CACNA2D3: variants seen among roughly 807,000 people sequenced by gnomAD.
CACNA2D3 encodes the protein calcium voltage-gated channel auxiliary subunit alpha2delta 3.
Under a neutral mutation model 160.6 loss-of-function variants are expected in CACNA2D3, and 60 were observed. The observed-to-expected ratio is 0.37, with a 90% confidence interval of 0.30 to 0.46. The LOEUF is 0.46. Among genes scored for constraint, CACNA2D3 ranks in the 20% least tolerant of loss-of-function variants. The pLI is 1.00. For synonymous variants in CACNA2D3, 558 were observed against 492.9 expected, an observed-to-expected ratio of 1.13 and a Z score of -1.75; for missense variants, 1,205 against 1,365.0, an observed-to-expected ratio of 0.88 and a Z score of 1.85.
At chr3:54,941,815 G>C (rs1701474242) in intron 27 of CACNA2D3, among the ~76,000 whole-genome samples, 1 of 152,180 alleles carries the variant, frequency 6.6e-6, no homozygotes. Context: ...GGTCTGGGGA[G>C]AGGCTTCAGG....
chr3:54,946,346 G>A (rs1447475672), intron 27 of CACNA2D3, among the ~76,000 whole-genome samples: 1 of 152,138 alleles, frequency 6.6e-6, no homozygotes, highest in Non-Finnish European at 1.5e-5. Flanking sequence ...GTTATTGGTT[G>A]CATAATATCT....
At chr3:54,656,500 C>T (rs1699876568) in intron 11 of CACNA2D3, among the ~76,000 whole-genome samples, 1 of 152,230 alleles carries the variant, frequency 6.6e-6, no homozygotes, top group South Asian at 2.1e-4. Flanking sequence ...TCCATGAACT[C>T]ATCGGGCGAG....
intron 3 of CACNA2D3, among the ~76,000 whole-genome samples, chr3:54,365,304 TTC>T (rs1698809631): frequency 1.3e-5 from 2 of 152,214 alleles, no homozygotes; most frequent in African/African-American, 4.8e-5. Flanking sequence ...TTCAGAGGGC[TTC>T]TATTCCAGCA....
At chr3:54,751,810 G>A (rs770086866) in intron 11 of CACNA2D3, among the ~76,000 whole-genome samples, 19 of 151,818 alleles carry the variant, frequency 1.3e-4, no homozygotes, top group Non-Finnish European at 2.4e-4. Context: ...CCATCCGAAG[G>A]GTTTTGTTTG....
intron 11 of CACNA2D3, among the ~76,000 whole-genome samples, chr3:54,708,291 A>C (rs2106958951): frequency 6.6e-6 from 1 of 152,300 alleles, no homozygotes; most frequent in South Asian, 2.1e-4. Flanking sequence ...GGTGTTATCG[A>C]ATTTGATGGC....
chr3:54,544,847 A>C (rs1245321349), intron 5 of CACNA2D3, among the ~76,000 whole-genome samples: 1 of 152,256 alleles, frequency 6.6e-6, no homozygotes, highest in African/African-American at 2.4e-5. Context: ...TGAAATAGCA[A>C]CTTTAAATTG....
intron 4 of CACNA2D3, among the ~76,000 whole-genome samples, chr3:54,404,869 G>A (rs1254215922): frequency 6.6e-6 from 1 of 151,698 alleles, no homozygotes; most frequent in Non-Finnish European, 1.5e-5. Context: ...ATTTCTAATA[G>A]CATCAAAAAT....
intron 4 of CACNA2D3, among the ~76,000 whole-genome samples, chr3:54,489,560 A>G (rs1452048539): frequency 6.6e-6 from 1 of 152,194 alleles, no homozygotes; most frequent in Admixed American, 6.5e-5. Flanking sequence ...AGGAAACTTG[A>G]CTATAATCTG....
chr3:55,029,990 G>A (rs1164199545), intron 35 of CACNA2D3, among the ~76,000 whole-genome samples: 1 of 152,136 alleles, frequency 6.6e-6, no homozygotes, highest in Non-Finnish European at 1.5e-5. Context: ...AAACGAGTCA[G>A]CTTTCCACTC....
chr3:54,550,746 A>G (rs1217293409), intron 5 of CACNA2D3, among the ~76,000 whole-genome samples: 1 of 152,146 alleles, frequency 6.6e-6, no homozygotes, highest in Non-Finnish European at 1.5e-5. Flanking sequence ...CCCGTGGTAT[A>G]GTGATTCTGC....
At chr3:54,563,170 T>A (rs966102365) in intron 6 of CACNA2D3, among the ~76,000 whole-genome samples, 1 of 152,176 alleles carries the variant, frequency 6.6e-6, no homozygotes, top group Non-Finnish European at 1.5e-5. Flanking sequence ...CTCAATAGAA[T>A]AATTCACAGA....
Position 54,736,024 on chromosome 3 carries a change from C to A in CACNA2D3, c.1168-16575C>A, listed in dbSNP as rs1449853352. On this transcript the variant is annotated intron_variant, in intron 11 of 37. Transcript: ENST00000474759. ...ATATATATGTATATATATACACATA[C>A]ATATATATATGTATATATATACACA... Among the ~76,000 whole-genome samples the A allele has an allele frequency of 6.1e-5, 4 of 65,278 alleles. 1 individual carries two copies. The highest frequency in any genetic ancestry group is 1.4e-4 in the African/African-American group (2 of 13,930). 42.8% of individuals were successfully genotyped at this position (65,278 alleles called of 152,430 possible).
At chr3:54,853,520 C>G (rs1699105545) in intron 17 of CACNA2D3, among the ~76,000 whole-genome samples, 1 of 152,144 alleles carries the variant, frequency 6.6e-6, no homozygotes, top group African/African-American at 2.4e-5. Context: ...CTCCCTATCC[C>G]CTCCTGCTTG....
intron 27 of CACNA2D3, among the ~76,000 whole-genome samples, chr3:54,932,789 C>G (rs1701223641): frequency 6.6e-6 from 1 of 152,198 alleles, no homozygotes; most frequent in African/African-American, 2.4e-5. Flanking sequence ...TCATCCAAAC[C>G]ATGTGGTATG....
At chr3:54,205,097 G>T (rs1343559938) in intron 2 of CACNA2D3, among the ~76,000 whole-genome samples, 4 of 152,162 alleles carry the variant, frequency 2.6e-5, no homozygotes, top group Non-Finnish European at 2.9e-5. Flanking sequence ...TGAATAGGAA[G>T]CCAGGAGATT....
chr3:54,537,062 T>C (rs1407928375), intron 5 of CACNA2D3, among the ~76,000 whole-genome samples: 1 of 151,662 alleles, frequency 6.6e-6, no homozygotes, highest in Non-Finnish European at 1.5e-5. Context: ...TAAGTATTGT[T>C]ATCCTCTTTT....
chr3:54,894,705 C>G, intron 25 of CACNA2D3: 1 of 481,894 alleles, frequency 2.1e-6, no homozygotes, highest in African/African-American at 2.0e-5. Flanking sequence ...GGCCAGGCAA[C>G]AGAGGCTCCT....
At chr3:54,786,536 A>G (rs928158191) in intron 13 of CACNA2D3, among the ~76,000 whole-genome samples, 2 of 152,180 alleles carry the variant, frequency 1.3e-5, no homozygotes, top group Admixed American at 6.5e-5. Context: ...TCACTTTGTA[A>G]GCATCCCAGG....
rs573769799 is a variant in CACNA2D3 at position 54,372,561 on chromosome 3, G to A, written c.322-14154G>A. Among the ~76,000 whole-genome samples, 311 of 152,258 alleles carry A rather than the reference G, an allele frequency of 2.0e-3. 1 individual carries two copies. Among genetic ancestry groups the A allele is most frequent in the Non-Finnish European group, 3.9e-3 (262 of 68,002 alleles). ...GTCAGTTTACTTCTGTGTAAAATGGGTTTAGTCCTTCTTCATTAGCTCTCT... is the reference window on the plus strand; with the variant it reads ...GTCAGTTTACTTCTGTGTAAAATGGATTTAGTCCTTCTTCATTAGCTCTCT... On this transcript the variant is annotated intron_variant, in intron 3 of 37. Coordinates refer to ENST00000474759, the MANE Select transcript of CACNA2D3 (RefSeq NM_018398.3).
Sources: gnomAD v4.1 joint callset for allele counts (sites outside exome capture counted in the v4.1 genomes callset) on GRCh38, gnomAD v4.1.1 for gene constraint, MANE v1.5 for transcripts, NCBI Gene and HGNC (gene_info 2026-07-23, HGNC 2026-07-21) for gene names.